The following MTUS2 variants were observed in gnomAD, a reference collection of about 807,000 sequenced individuals.
MTUS2 encodes the protein microtubule associated scaffold protein 2.
In MTUS2, 40 loss-of-function variants were observed where a neutral mutation model predicts 114.1. The observed-to-expected ratio is 0.35, with a 90% confidence interval of 0.27 to 0.46. The LOEUF is 0.46. Among genes scored for constraint, MTUS2 ranks in the 20% least tolerant of loss-of-function variants. The pLI is 1.00. For missense variants in MTUS2, 1,679 were observed against 1,705.4 expected, an observed-to-expected ratio of 0.98 and a Z score of 0.27; for synonymous variants, 688 against 672.0, an observed-to-expected ratio of 1.02 and a Z score of -0.37.
chr13:28,940,580 T>C (rs1190360777), intron 2 of MTUS2, among the ~76,000 whole-genome samples: 1 of 151,880 alleles, frequency 6.6e-6, no homozygotes, highest in African/African-American at 2.4e-5. Context: ...AGATGGAGAA[T>C]TGGACTAGAA....
chr13:29,497,224 A>G lies in MTUS2; in HGVS notation c.3580-14A>G, dbSNP rs1362938837. The G allele has an allele frequency of 5.0e-6, 8 of 1,610,886 alleles. No homozygotes were observed. Among genetic ancestry groups the G allele is most frequent in the Non-Finnish European group, 6.8e-6 (8 of 1,178,764 alleles). ...TAGTGGCCCCAGCTGGACTCCTTGT[A>G]TCATTACTTGCAGGACCAGGTGGAC... On this transcript the variant is annotated splice_polypyrimidine_tract_variant and intron_variant, in intron 12 of 15. Coordinates refer to ENST00000612955, the MANE Select transcript of MTUS2 (RefSeq NM_001033602.4).
chr13:29,313,416 T>G (rs1231340825), intron 6 of MTUS2, among the ~76,000 whole-genome samples: 1 of 152,146 alleles, frequency 6.6e-6, no homozygotes, highest in African/African-American at 2.4e-5. Context: ...AAGCTAAAAA[T>G]GAAAAGAGGT....
At chr13:28,984,335 CCTT>C (rs1884484921) in intron 2 of MTUS2, among the ~76,000 whole-genome samples, 1 of 152,190 alleles carries the variant, frequency 6.6e-6, no homozygotes, top group South Asian at 2.1e-4. Context: ...TTCTACCCCT[CCTT>C]TCCTTTCTTC....
intron 5 of MTUS2, 40 bp from the exon 6 acceptor site, chr13:29,281,664 T>C: frequency 6.5e-7 from 1 of 1,545,424 alleles, no homozygotes; most frequent in Non-Finnish European, 8.8e-7. Context: ...CCATCCATTT[T>C]TCATGAAGTT....
intron 6 of MTUS2, among the ~76,000 whole-genome samples, chr13:29,288,536 G>A (rs1041698137): frequency 3.3e-5 from 5 of 152,146 alleles, no homozygotes; most frequent in African/African-American, 1.2e-4. Flanking sequence ...GTATAGAAAT[G>A]TCAAGAAAAG....
At chr13:29,126,480 A>T (rs965633971) in intron 5 of MTUS2, among the ~76,000 whole-genome samples, 1 of 152,022 alleles carries the variant, frequency 6.6e-6, no homozygotes, top group African/African-American at 2.4e-5. Flanking sequence ...TCCTGTTTCT[A>T]TCCAAAGCTA....
intron 5 of MTUS2, among the ~76,000 whole-genome samples, chr13:29,131,459 T>C (rs1891759582): frequency 6.6e-6 from 1 of 152,222 alleles, no homozygotes; most frequent in African/African-American, 2.4e-5. Flanking sequence ...TGCCAACAGA[T>C]CCCAGACAGC....
intron 8 of MTUS2, among the ~76,000 whole-genome samples, chr13:29,389,243 A>ATGTATACACATGTGTGTATATATG (rs1365252466): frequency 1.6e-5 from 2 of 121,956 alleles, no homozygotes; most frequent in Non-Finnish European, 3.5e-5. Context: ...GTATGTGTGT[A>ATGTATACACATGTGTGTATATATG]TATATATGTA....
intron 8 of MTUS2, among the ~76,000 whole-genome samples, chr13:29,402,279 T>C (rs1874404759): frequency 1.3e-5 from 2 of 152,098 alleles, no homozygotes; most frequent in South Asian, 4.1e-4. Flanking sequence ...ACACAAGAAC[T>C]CTACCAAATA....
intron 5 of MTUS2, among the ~76,000 whole-genome samples, chr13:29,116,157 A>G (rs781042711): frequency 1.3e-5 from 2 of 152,186 alleles, no homozygotes; most frequent in African/African-American, 2.4e-5. Flanking sequence ...TAGGGGCTAT[A>G]TGGGGTTCAA....
At chr13:28,937,689 T>C (rs1166601394) in intron 2 of MTUS2, among the ~76,000 whole-genome samples, 1 of 152,152 alleles carries the variant, frequency 6.6e-6, no homozygotes, top group Admixed American at 6.5e-5. Flanking sequence ...CTGGCCACTT[T>C]GGGACAGTGT....
chr13:29,428,337 GCGT>G (rs1451802997), intron 8 of MTUS2, among the ~76,000 whole-genome samples: 1 of 152,254 alleles, frequency 6.6e-6, no homozygotes, highest in Non-Finnish European at 1.5e-5. Flanking sequence ...GCCCTTTCGG[GCGT>G]CCCCAGGCAG....
At chr13:29,187,709 T>A (rs1040470153) in intron 5 of MTUS2, among the ~76,000 whole-genome samples, 1 of 152,174 alleles carries the variant, frequency 6.6e-6, no homozygotes, top group African/African-American at 2.4e-5. Flanking sequence ...TCAAAATTAT[T>A]CCTGATTAAC....
At chr13:29,039,368 C>A (rs1378654666) in intron 4 of MTUS2, among the ~76,000 whole-genome samples, 1 of 152,218 alleles carries the variant, frequency 6.6e-6, no homozygotes, top group Non-Finnish European at 1.5e-5. Flanking sequence ...AATCAGGACG[C>A]CAGAAACTGT....
In MTUS2 at chr13:29,100,917, C is replaced by T. The variant is rs774833372; in HGVS notation, c.2591C>T (p.Ser864Phe). ...FVRSSSVSSV[S>F]STQSGDSAQP... ...CGGAGCTCCAGCGTCTCCTCAGTCT[C>T]CAGCACCCAGTCCGGGGACAGTGCA... The change falls in exon 5 of 16, where the codon TCC becomes TTC. Residue 864 changes from serine to phenylalanine, a missense_variant. By Grantham distance (155) the Ser-to-Phe change is radical. Around this residue, in one of 3 missense-constraint regions of MTUS2, gnomAD observed 822 missense variants for 899.7 expected, o/e 0.91. Transcript: ENST00000612955. 1.5e-5 allele frequency: 23 copies of T among 1,576,644 alleles called. No homozygotes were observed. The highest frequency in any genetic ancestry group is 3.4e-6 in the Non-Finnish European group (4 of 1,160,970).
At chr13:29,015,751 G>A (rs561420517) in intron 2 of MTUS2, among the ~76,000 whole-genome samples, 160 of 151,928 alleles carry the variant, frequency 1.1e-3, no homozygotes, top group Non-Finnish European at 1.6e-3. Context: ...ACATGATGAA[G>A]TATTTATTAT....
intron 2 of MTUS2, among the ~76,000 whole-genome samples, chr13:28,881,566 G>A (rs944866896): frequency 6.6e-6 from 1 of 152,168 alleles, no homozygotes; most frequent in Admixed American, 6.5e-5. Flanking sequence ...GTTTTCCAAA[G>A]GGGTTGTACT....
intron 8 of MTUS2, among the ~76,000 whole-genome samples, chr13:29,371,143 C>A (rs1871154894): frequency 6.6e-6 from 1 of 152,002 alleles, no homozygotes; most frequent in Admixed American, 6.6e-5. Context: ...TTGTAAACAC[C>A]TGATGTATTC....
At chr13:29,467,874 G>A (rs1880000547) in intron 9 of MTUS2, among the ~76,000 whole-genome samples, 1 of 152,158 alleles carries the variant, frequency 6.6e-6, no homozygotes, top group Non-Finnish European at 1.5e-5. Context: ...CAGCACTTTG[G>A]GAGGCTGAGG....
Sources: gnomAD v4.1 joint callset for allele counts (sites outside exome capture counted in the v4.1 genomes callset) on GRCh38, gnomAD v4.1.1 for gene constraint, gnomAD v4.1.1 regional missense constraint, MANE v1.5 for transcripts, NCBI Gene and HGNC (gene_info 2026-07-23, HGNC 2026-07-21) for gene names.